The following SPAG16 variants were observed in gnomAD, a reference collection of about 807,000 sequenced individuals.
SPAG16 encodes sperm-associated antigen 16 protein.
In SPAG16, 86 loss-of-function variants were observed where a neutral mutation model predicts 80.4. The ratio of observed to expected loss-of-function variants is 1.07; its 90% confidence interval spans 0.90 to 1.28. The LOEUF is 1.28. Ranked by LOEUF, SPAG16 falls within the 50% of genes most tolerant of loss-of-function variation. The pLI, the probability that SPAG16 is intolerant of heterozygous loss-of-function variation, is 0.00. For synonymous variants in SPAG16, 294 were observed against 265.9 expected (o/e 1.11, Z -1.03); for missense variants, 870 against 765.3 (o/e 1.14, Z -1.61).
intron 10 of SPAG16, among the ~76,000 whole-genome samples, chr2:213,523,218 T>A (rs1408186529): frequency 1.3e-5 from 2 of 152,286 alleles, no homozygotes; most frequent in Middle Eastern, 3.4e-3. Context: ...TGATTGTTTA[T>A]AAAGGGCTTT....
At chr2:213,384,733 G>A (rs115258671) in intron 9 of SPAG16, among the ~76,000 whole-genome samples, 2,713 of 152,290 alleles carry the variant, frequency 0.018, 69 homozygotes, top group African/African-American at 0.051. Flanking sequence ...GCAAGAGATA[G>A]TGACTTTTTA....
chr2:213,489,705 T>C (rs1361453765), intron 9 of SPAG16, among the ~76,000 whole-genome samples: 2 of 152,100 alleles, frequency 1.3e-5, no homozygotes, highest in Non-Finnish European at 2.9e-5. Context: ...GGAATTCAAA[T>C]AGGGAGTATT....
At chr2:213,539,660 C>G (rs1034115521) in intron 10 of SPAG16, among the ~76,000 whole-genome samples, 3 of 152,142 alleles carry the variant, frequency 2.0e-5, no homozygotes, top group Admixed American at 1.3e-4. Flanking sequence ...CACTGTGTTA[C>G]AACCGAACAA....
At chr2:213,912,529 G>GA (rs1361050795) in intron 11 of SPAG16, among the ~76,000 whole-genome samples, 3 of 152,018 alleles carry the variant, frequency 2.0e-5, no homozygotes, top group Admixed American at 6.6e-5. Flanking sequence ...TACTTTCCTG[G>GA]AAATAGTGTG....
chr2:214,383,576 A>G (rs1436993843), intron 15 of SPAG16, among the ~76,000 whole-genome samples: 2 of 151,438 alleles, frequency 1.3e-5, no homozygotes, highest in Non-Finnish European at 2.9e-5. Flanking sequence ...ATCTCAAAAA[A>G]AAAGAAAAAA....
intron 9 of SPAG16, among the ~76,000 whole-genome samples, chr2:213,432,480 G>GA (rs1196233995): frequency 5.3e-5 from 8 of 151,974 alleles, no homozygotes; most frequent in Admixed American, 1.3e-4. Context: ...TCATGAATTA[G>GA]AAAATCTAGA....
chr2:213,602,190 C>T (rs1429755892), intron 10 of SPAG16, among the ~76,000 whole-genome samples: 1 of 152,224 alleles, frequency 6.6e-6, no homozygotes, highest in Admixed American at 6.5e-5. Context: ...GTGTAATAGG[C>T]TGTATCATCT....
intron 9 of SPAG16, among the ~76,000 whole-genome samples, chr2:213,468,405 A>G (rs1474122920): frequency 1.4e-5 from 2 of 144,408 alleles, no homozygotes; most frequent in East Asian, 3.9e-4. Flanking sequence ...ATATATATCT[A>G]TGTATTTATG....
chr2:213,521,099 G>A (rs188503462), intron 10 of SPAG16, among the ~76,000 whole-genome samples: 1 of 152,250 alleles, frequency 6.6e-6, no homozygotes. Context: ...TCAACCCAAT[G>A]CCCTGTGGAG....
chr2:213,399,428 G>C (rs1393833878), intron 9 of SPAG16, among the ~76,000 whole-genome samples: 1 of 151,896 alleles, frequency 6.6e-6, no homozygotes, highest in Admixed American at 6.6e-5. Flanking sequence ...CTGCTTCTGA[G>C]ACTGTTTTCT....
intron 14 of SPAG16, among the ~76,000 whole-genome samples, chr2:214,118,730 A>G (rs1318283656): frequency 6.6e-6 from 1 of 152,096 alleles, no homozygotes; most frequent in Non-Finnish European, 1.5e-5. Context: ...ACTACAATTC[A>G]AGAGGAAATT....
chr2:213,554,151 G>A (rs2059349442), intron 10 of SPAG16, among the ~76,000 whole-genome samples: 1 of 152,166 alleles, frequency 6.6e-6, no homozygotes, highest in Admixed American at 6.6e-5. Flanking sequence ...TATGAGAAAA[G>A]GAGGTCATGA....
intron 14 of SPAG16, among the ~76,000 whole-genome samples, chr2:214,116,727 A>G (rs796989114): frequency 2.0e-5 from 3 of 152,326 alleles, no homozygotes; most frequent in South Asian, 2.1e-4. Flanking sequence ...CCCCAGGTCC[A>G]TCTAGGACAG....
intron 15 of SPAG16, among the ~76,000 whole-genome samples, chr2:214,162,312 A>G (rs1020403608): frequency 2.0e-5 from 3 of 152,156 alleles, no homozygotes; most frequent in African/African-American, 7.2e-5. Flanking sequence ...AGATGTCACA[A>G]ATTTTAAGTC....
At chr2:214,329,538 T>C (rs1284840035) in intron 15 of SPAG16, among the ~76,000 whole-genome samples, 2 of 152,226 alleles carry the variant, frequency 1.3e-5, no homozygotes, top group African/African-American at 2.4e-5. Context: ...CTTTATTGAA[T>C]GTCTTAAATC....
chr2:214,386,517 A>G (rs1700762924), intron 15 of SPAG16, among the ~76,000 whole-genome samples: 1 of 152,136 alleles, frequency 6.6e-6, no homozygotes, highest in Non-Finnish European at 1.5e-5. Context: ...AAATAGATAA[A>G]TGTTGTTCTA....
intron 10 of SPAG16, among the ~76,000 whole-genome samples, chr2:213,507,748 G>C (rs1309155940): frequency 6.6e-6 from 1 of 152,200 alleles, no homozygotes; most frequent in Admixed American, 6.5e-5. Flanking sequence ...TTGTTGACAG[G>C]ATGATTCGAT....
At chr2:213,942,798 T>C (rs927553822) in intron 12 of SPAG16, among the ~76,000 whole-genome samples, 3 of 152,112 alleles carry the variant, frequency 2.0e-5, no homozygotes, top group African/African-American at 4.8e-5. Context: ...AGTGTGCATA[T>C]AGGAAAAGAA....
chr2:214,120,136 A>G (rs369590053), intron 14 of SPAG16, among the ~76,000 whole-genome samples: 135 of 151,804 alleles, frequency 8.9e-4, no homozygotes, highest in African/African-American at 3.1e-3. Context: ...AATTCTCTCT[A>G]GTATCTCTTT....
Sources: allele counts gnomAD v4.1 joint callset (sites outside exome capture counted in the v4.1 genomes callset), GRCh38; gene constraint gnomAD v4.1.1; transcripts MANE v1.5; gene names NCBI Gene and HGNC (gene_info 2026-07-23, HGNC 2026-07-21).